ATP8B1: variants seen among roughly 807,000 people sequenced by gnomAD.
ATP8B1 encodes ATPase phospholipid transporting 8B1.
Under a neutral mutation model 149.9 loss-of-function variants are expected in ATP8B1, and 80 were observed. The observed-to-expected ratio is 0.53, with a 90% confidence interval of 0.45 to 0.64. The LOEUF (loss-of-function observed/expected upper bound fraction) is 0.64. Among genes scored for constraint, ATP8B1 ranks in the 30% least tolerant of loss-of-function variants. The probability of loss-of-function intolerance (pLI) is 0.00; values close to 1 mark genes in which losing one functional copy is unlikely to be tolerated. For synonymous variants in ATP8B1, 536 were observed against 562.8 expected, an observed-to-expected ratio of 0.95 and a Z score of 0.67; for missense variants, 1,247 against 1,552.6, an observed-to-expected ratio of 0.80 and a Z score of 3.31.
At chr18:57,700,683 G>A (rs1316202050) in intron 6 of ATP8B1, among the ~76,000 whole-genome samples, 1 of 152,076 alleles carries the variant, frequency 6.6e-6, no homozygotes, top group Non-Finnish European at 1.5e-5. Flanking sequence ...AACACTTTGG[G>A]AGATCAAGGA....
intron 1 of ATP8B1, among the ~76,000 whole-genome samples, chr18:57,760,826 T>C (rs1437871481): frequency 1.3e-5 from 2 of 151,678 alleles, no homozygotes; most frequent in East Asian, 3.9e-4. Flanking sequence ...CCGTCTCTAC[T>C]AAAAATACAA....
chr18:57,727,206 A>G (rs1037924565), intron 2 of ATP8B1, among the ~76,000 whole-genome samples: 1 of 152,212 alleles, frequency 6.6e-6, no homozygotes, highest in Non-Finnish European at 1.5e-5. Flanking sequence ...ACAAGCATCA[A>G]TTACTCTGGT....
chr18:57,782,623 T>C (rs2080366724), intron 1 of ATP8B1, among the ~76,000 whole-genome samples: 1 of 152,128 alleles, frequency 6.6e-6, no homozygotes. Flanking sequence ...AAGTCAAGAA[T>C]GAATGGTGCG....
intron 27 of ATP8B1, 21 bp downstream of exon 27, chr18:57,650,345 GA>G: frequency 6.2e-7 from 1 of 1,610,122 alleles, no homozygotes; most frequent in Non-Finnish European, 8.5e-7. Flanking sequence ...ACAGAGTTGG[GA>G]AAGGACTATA....
intron 1 of ATP8B1, 124 bp from the exon 2 acceptor site, chr18:57,731,956 T>G: frequency 2.2e-6 from 2 of 916,370 alleles, no homozygotes; most frequent in South Asian, 2.7e-5. Context: ...TATTCTGGAA[T>G]AGTACCCCCA....
At chr18:57,679,284 C>T (rs2038793408) in intron 15 of ATP8B1, among the ~76,000 whole-genome samples, 1 of 151,932 alleles carries the variant, frequency 6.6e-6, no homozygotes, top group Non-Finnish European at 1.5e-5. Context: ...GTTCTGTGTT[C>T]ACTACCTGGA....
Position 57,671,580 on chromosome 18 carries a change from ACT to A in ATP8B1, c.1820-2_1820-1del. On this transcript the variant is annotated splice_acceptor_variant, in intron 16 of 27. Coordinates refer to ENST00000648908, the MANE Select transcript of ATP8B1 (RefSeq NM_001374385.1). LOFTEE classifies it high-confidence loss of function. ...CTTGATATTGCCTTCTGGGGTTCTTACTGGTAGTAAAAGAAGGAAATAAACAC... is the reference window on the plus strand; with the variant it reads ...CTTGATATTGCCTTCTGGGGTTCTTAGGTAGTAAAAGAAGGAAATAAACAC... 1 of 1,602,470 alleles carries A rather than the reference ACT, an allele frequency of 6.2e-7. No homozygotes were observed. Among genetic ancestry groups the A allele is most frequent in the Non-Finnish European group, 8.6e-7 (1 of 1,169,374 alleles).
intron 2 of ATP8B1, among the ~76,000 whole-genome samples, chr18:57,718,098 C>T (rs1490649660): frequency 4.2e-5 from 2 of 47,220 alleles, no homozygotes; most frequent in East Asian, 1.4e-3. Context: ...TTTAGCTGGA[C>T]TAACTAAAAA....
rs1279761935 is a variant in ATP8B1 at position 57,784,968 on chromosome 18, G to A, written c.-26+18030C>T. On this transcript the variant is annotated intron_variant, in intron 1 of 27. Coordinates refer to ENST00000648908, the MANE Select transcript of ATP8B1 (RefSeq NM_001374385.1). The surrounding 1 kb of genome is among the most constrained non-coding windows in gnomAD (Gnocchi z 4.4). ...ACTAAGTTAAGTATACTTTTACAAA[G>A]TCTTTAATAAACTGGTGCCGGTCTT... is the stretch of plus-strand genomic sequence containing the variant. Among the ~76,000 whole-genome samples, 1 of 152,188 alleles carries A rather than the reference G, an allele frequency of 6.6e-6. No individual in the cohort carries two copies. The highest frequency in any genetic ancestry group is 1.5e-5 in the Non-Finnish European group (1 of 68,036).
At chr18:57,761,605 C>A (rs1339659992) in intron 1 of ATP8B1, among the ~76,000 whole-genome samples, 2 of 151,856 alleles carry the variant, frequency 1.3e-5, no homozygotes, top group Non-Finnish European at 2.9e-5. Context: ...GGCTGAGGTC[C>A]TTTCTGGCAC....
intron 20 of ATP8B1, among the ~76,000 whole-genome samples, chr18:57,663,056 G>A (rs112381205): frequency 2.6e-5 from 4 of 152,086 alleles, no homozygotes; most frequent in South Asian, 4.2e-4. Flanking sequence ...CTTGCAAAAC[G>A]GAAACTCTAT....
At chr18:57,651,076 A>G (rs959703878) in intron 26 of ATP8B1, among the ~76,000 whole-genome samples, 19 of 152,218 alleles carry the variant, frequency 1.2e-4, no homozygotes, top group Non-Finnish European at 1.6e-4. Flanking sequence ...TTGACATTGC[A>G]TTGATTAAAA....
chr18:57,781,711 G>T (rs1447255123), intron 1 of ATP8B1, among the ~76,000 whole-genome samples: 1 of 152,144 alleles, frequency 6.6e-6, no homozygotes, highest in East Asian at 1.9e-4. Context: ...GCAGTGGCTC[G>T]CACCAGTAAT....
Position 57,753,647 on chromosome 18 carries a change from G to T in ATP8B1, c.-25-21815C>A, listed in dbSNP as rs185616875. ...GATTATTTTAAAAAATGAAATACAG[G>T]CCGGGCACAGTGGCTCACGCCTGTA... On this transcript the variant is annotated intron_variant, in intron 1 of 27. Coordinates refer to ENST00000648908, the MANE Select transcript of ATP8B1 (RefSeq NM_001374385.1). Among the ~76,000 whole-genome samples, 386 of 152,298 alleles carry T rather than the reference G, an allele frequency of 2.5e-3. 1 individual carries two copies. The highest frequency in any genetic ancestry group is 9.0e-3 in the African/African-American group (374 of 41,572).
chr18:57,747,453 CAAAA>C (rs35857076), intron 1 of ATP8B1, among the ~76,000 whole-genome samples: 9 of 136,094 alleles, frequency 6.6e-5, no homozygotes, highest in Admixed American at 1.5e-4. Context: ...AACTCTATCT[CAAAA>C]AAAAAAAAAA....
chr18:57,749,369 C>T (rs1241311280), intron 1 of ATP8B1, among the ~76,000 whole-genome samples: 1 of 151,604 alleles, frequency 6.6e-6, no homozygotes, highest in Non-Finnish European at 1.5e-5. Flanking sequence ...TTCCACATTC[C>T]CCTTCTCCAT....
At chr18:57,711,839 C>T (rs1251327625) in intron 2 of ATP8B1, among the ~76,000 whole-genome samples, 1 of 152,162 alleles carries the variant, frequency 6.6e-6, no homozygotes, top group Non-Finnish European at 1.5e-5. Context: ...ATCCTCCTGC[C>T]TTGGCCTCCC....
intron 2 of ATP8B1, among the ~76,000 whole-genome samples, chr18:57,709,456 A>G (rs1213532738): frequency 2.6e-5 from 4 of 152,240 alleles, no homozygotes; most frequent in Non-Finnish European, 4.4e-5. Flanking sequence ...TTAAAAAATC[A>G]CAGAACACTT....
intron 1 of ATP8B1, among the ~76,000 whole-genome samples, chr18:57,772,598 C>T (rs1328745578): frequency 1.1e-4 from 17 of 152,272 alleles, no homozygotes; most frequent in African/African-American, 3.9e-4. Context: ...GAGAGGCCAT[C>T]TGAGTTCTCC....
Sources: allele counts gnomAD v4.1 joint callset (sites outside exome capture counted in the v4.1 genomes callset), GRCh38; gene constraint gnomAD v4.1.1; non-coding constraint Gnocchi (gnomAD v3.1); transcripts MANE v1.5; gene names NCBI Gene and HGNC (gene_info 2026-07-23, HGNC 2026-07-21).